The following ERC1 variants were observed in gnomAD, a reference collection of about 807,000 sequenced individuals.
ERC1 encodes RAB6 interacting protein 2.
Under a neutral mutation model 132.0 loss-of-function variants are expected in ERC1, and 56 were observed. The ratio of observed to expected loss-of-function variants is 0.42; its 90% CI spans 0.34 to 0.53. ERC1 has a LOEUF of 0.53. Ranked by LOEUF, ERC1 falls within the 20% of genes least tolerant of loss-of-function variation. ERC1 has a pLI of 0.03. For missense variants in ERC1, 1,202 were observed against 1,349.9 expected (o/e 0.89, Z 1.72); for synonymous variants, 478 against 476.1 (o/e 1.00, Z -0.05).
intron 18 of ERC1, among the ~76,000 whole-genome samples, chr12:1,467,168 T>C (rs925670708): frequency 1.7e-4 from 26 of 152,192 alleles, no homozygotes; most frequent in African/African-American, 6.3e-4. Flanking sequence ...TAAAGCAAAC[T>C]TCGGACACTA....
intron 18 of ERC1, among the ~76,000 whole-genome samples, chr12:1,477,466 C>T (rs1592290526): frequency 6.6e-6 from 1 of 151,520 alleles, no homozygotes; most frequent in Non-Finnish European, 1.5e-5. Context: ...GAAAGAAGAA[C>T]AACACCAGGA....
rs184026771 is a variant in ERC1, at chr12:1,334,889, T to C, written c.2781-36944T>C. Among the ~76,000 whole-genome samples, 10 of 152,338 alleles carry C rather than the reference T, an allele frequency of 6.6e-5. No individual in the cohort carries two copies. In the South Asian group the frequency reaches 1.0e-3, roughly 16 times the overall value. ...TGGAATGTTTTTCCATTTGTTTGTG[T>C]CATTTCTGATTTCTTTGAGCAGTGT... is the stretch of plus-strand genomic sequence containing the variant. On this transcript the variant is annotated intron_variant, in intron 15 of 18. Transcript: ENST00000360905.
intron 15 of ERC1, among the ~76,000 whole-genome samples, chr12:1,367,832 C>T (rs2086804672): frequency 6.6e-6 from 1 of 151,566 alleles, no homozygotes; most frequent in South Asian, 2.1e-4. Context: ...GAATAGACTA[C>T]TGTAATGACT....
Position 1,493,542 on chromosome 12 carries a change from A to ATAT in ERC1, c.*3312_*3313insTAT, listed in dbSNP as rs1555139579. 45 of 23,458 alleles carry ATAT rather than the reference A, an allele frequency of 1.9e-3. No individual in the cohort carries two copies. The highest frequency in any genetic ancestry group is 2.9e-3 in the Non-Finnish European group (31 of 10,726). The allele number at this position is 23,458 out of a possible 1,614,324, so 1.5% of individuals were successfully genotyped here. A position where few individuals can be genotyped will look rare whatever the true frequency, so the allele number is the denominator to read the frequency against. On this transcript the variant is annotated 3_prime_UTR_variant, in exon 19 of 19. Coordinates refer to ENST00000360905, the MANE Select transcript of ERC1 (RefSeq NM_178040.4). The stretch of plus-strand genomic sequence containing the variant: ...ACAGAGACTCCATTTAAAAAAAAAA[A>ATAT]AAAAAAATATATATATATATATATA...
chr12:1,069,372 T>C (rs1939896641), intron 2 of ERC1, among the ~76,000 whole-genome samples: 1 of 152,196 alleles, frequency 6.6e-6, no homozygotes, highest in African/African-American at 2.4e-5. Context: ...AGGCACACTC[T>C]GCTACCCAGC....
chr12:1,228,279 T>C (rs1010913498), intron 12 of ERC1, among the ~76,000 whole-genome samples: 8 of 152,254 alleles, frequency 5.3e-5, no homozygotes, highest in African/African-American at 1.4e-4. Flanking sequence ...GAACAGATTA[T>C]CTTTCCATTT....
chr12:1,308,594 T>C (rs1013266397), intron 15 of ERC1, among the ~76,000 whole-genome samples: 1 of 152,218 alleles, frequency 6.6e-6, no homozygotes, highest in Non-Finnish European at 1.5e-5. Flanking sequence ...TCCTAACAGT[T>C]TGTTGTGTTC....
At chr12:1,418,294 A>G (rs1404224845) in intron 17 of ERC1, among the ~76,000 whole-genome samples, 1 of 152,074 alleles carries the variant, frequency 6.6e-6, no homozygotes, top group Non-Finnish European at 1.5e-5. Context: ...CCTTCTCCTC[A>G]CCCTTCTTGC....
chr12:1,147,696 A>T (rs1950507110), intron 8 of ERC1, among the ~76,000 whole-genome samples: 1 of 152,186 alleles, frequency 6.6e-6, no homozygotes, highest in Admixed American at 6.5e-5. Context: ...ACGAATTTTT[A>T]AAATTTCGCT....
intron 7 of ERC1, among the ~76,000 whole-genome samples, chr12:1,139,110 A>G (rs186143697): frequency 4.2e-4 from 64 of 152,292 alleles, no homozygotes; most frequent in Middle Eastern, 3.4e-3. Flanking sequence ...GGTTTCTGTT[A>G]CCTGTGGTCA....
At chr12:1,139,975 G>A (rs1180173709) in intron 7 of ERC1, among the ~76,000 whole-genome samples, 1 of 152,136 alleles carries the variant, frequency 6.6e-6, no homozygotes, top group African/African-American at 2.4e-5. Context: ...TATTAAAGTA[G>A]AATAGAGGTA....
chr12:1,190,085 G>T (rs750095323), intron 12 of ERC1, 33 bp downstream of exon 12: 10 of 1,555,980 alleles, frequency 6.4e-6, no homozygotes, highest in Non-Finnish European at 8.9e-6. Context: ...GGCTTATGAG[G>T]TTAAAGTATG....
chr12:1,097,354 G>T (rs1433469248), intron 3 of ERC1, among the ~76,000 whole-genome samples: 1 of 152,190 alleles, frequency 6.6e-6, no homozygotes, highest in Non-Finnish European at 1.5e-5. Flanking sequence ...GGATTAACTT[G>T]ATCCTTTCAA....
chr12:1,356,612 C>T (rs1250812943), intron 15 of ERC1, among the ~76,000 whole-genome samples: 4 of 152,154 alleles, frequency 2.6e-5, no homozygotes, highest in South Asian at 2.1e-4. Context: ...TAAAAGTCTA[C>T]GCTTCCCATC....
intron 15 of ERC1, among the ~76,000 whole-genome samples, chr12:1,341,287 G>C (rs1039840146): frequency 2.0e-5 from 3 of 151,404 alleles, no homozygotes; most frequent in Admixed American, 6.6e-5. Flanking sequence ...AATAGAGACA[G>C]GGTTTCGCCA....
intron 3 of ERC1, among the ~76,000 whole-genome samples, chr12:1,097,042 T>C (rs371473587): frequency 3.9e-5 from 6 of 152,358 alleles, no homozygotes; most frequent in African/African-American, 1.2e-4. Flanking sequence ...TTTGTCTGTT[T>C]TTCAAAAATA....
intron 6 of ERC1, among the ~76,000 whole-genome samples, chr12:1,114,124 A>G (rs1231527809): frequency 2.0e-5 from 3 of 152,048 alleles, no homozygotes; most frequent in Non-Finnish European, 4.4e-5. Context: ...CCCTGGTTCA[A>G]GCGATTCTCC....
intron 18 of ERC1, among the ~76,000 whole-genome samples, chr12:1,469,534 C>T (rs2093813990): frequency 6.6e-6 from 1 of 152,228 alleles, no homozygotes; most frequent in Admixed American, 6.5e-5. Context: ...GGCTTCGCCT[C>T]CCCTCCGTGT....
chr12:1,032,133 C>T (rs1019636529), intron 2 of ERC1, among the ~76,000 whole-genome samples: 1 of 151,630 alleles, frequency 6.6e-6, no homozygotes, highest in Non-Finnish European at 1.5e-5. Context: ...GCAACCTCTG[C>T]CTCCTGGGTC....
Sources: allele counts gnomAD v4.1 joint callset (sites outside exome capture counted in the v4.1 genomes callset), GRCh38; gene constraint gnomAD v4.1.1; transcripts MANE v1.5; gene names NCBI Gene and HGNC (gene_info 2026-07-23, HGNC 2026-07-21).